Variants in NTRK3 observed in about 807,000 individuals in gnomAD.
The protein encoded by NTRK3 is neurotrophic receptor tyrosine kinase 3, also known as NT-3 growth factor receptor.
A neutral mutation model predicts 91.7 loss-of-function variants in NTRK3; 24 were observed. The observed-to-expected ratio is 0.26, with a 90% CI of 0.19 to 0.37. The LOEUF is 0.37. NTRK3 is among the 10% of genes least tolerant of loss of function. The pLI, the probability that NTRK3 is intolerant of heterozygous loss-of-function variation, is 1.00. For synonymous variants in NTRK3, 483 were observed against 404.0 expected, an observed-to-expected ratio of 1.20 and a Z score of -2.34; for missense variants, 880 against 1,068.9, an observed-to-expected ratio of 0.82 and a Z score of 2.46.
intron 5 of NTRK3, among the ~76,000 whole-genome samples, chr15:88,151,051 G>A (rs570818510): frequency 3.9e-5 from 6 of 152,188 alleles, no homozygotes; most frequent in African/African-American, 1.2e-4. Flanking sequence ...AGCCTTTTCT[G>A]TGGGCCTCCT....
chr15:87,984,401 T>C (rs1355972677), intron 14 of NTRK3, among the ~76,000 whole-genome samples: 1 of 152,190 alleles, frequency 6.6e-6, no homozygotes. Flanking sequence ...TGGGCTATGG[T>C]TATGATTGAT....
At chr15:88,012,663 T>C (rs931043941) in intron 14 of NTRK3, among the ~76,000 whole-genome samples, 2 of 152,224 alleles carry the variant, frequency 1.3e-5, no homozygotes, top group Non-Finnish European at 2.9e-5. Context: ...AATAAATGTT[T>C]ACTAAATAAA....
rs1265075771 is a variant in NTRK3, at chr15:87,886,699, T to TATATAC, written c.2134-6272_2134-6271insGTATAT. On this transcript the variant is annotated intron_variant, in intron 17 of 18. Transcript: ENST00000394480. ...TGCTATATATATATATATATATATA[T>TATATAC]ACATATATACACACACACACATACA... Among the ~76,000 whole-genome samples, 112 of 138,488 alleles carry TATATAC rather than the reference T, an allele frequency of 8.1e-4. 1 individual carries two copies. Among genetic ancestry groups the TATATAC allele is most frequent in the African/African-American group, 2.8e-3 (102 of 36,582 alleles). The allele number at this position is 138,488 out of a possible 152,430, so 90.9% of individuals were successfully genotyped here.
intron 14 of NTRK3, among the ~76,000 whole-genome samples, chr15:88,021,697 T>C (rs958992977): frequency 2.0e-5 from 3 of 152,216 alleles, no homozygotes; most frequent in Non-Finnish European, 4.4e-5. Flanking sequence ...TCTTGGCTTC[T>C]TGGCTAAGAT....
chr15:88,239,497 G>T (rs923938322), intron 3 of NTRK3, among the ~76,000 whole-genome samples: 3 of 152,170 alleles, frequency 2.0e-5, no homozygotes, highest in Non-Finnish European at 4.4e-5. Context: ...GTCTGGAATG[G>T]CATTCTGTAA....
intron 13 of NTRK3, among the ~76,000 whole-genome samples, chr15:88,121,646 A>T (rs528670813): frequency 1.3e-5 from 2 of 152,312 alleles, no homozygotes; most frequent in South Asian, 4.1e-4. Flanking sequence ...CCTGAACCCC[A>T]CAAGTACACA....
chr15:87,900,664 A>G (rs2066393796), intron 17 of NTRK3, among the ~76,000 whole-genome samples: 1 of 151,202 alleles, frequency 6.6e-6, no homozygotes, highest in South Asian at 2.1e-4. Flanking sequence ...TAACACCTGC[A>G]GCATCAGCAG....
At chr15:88,162,066 A>G (rs2044505662) in intron 5 of NTRK3, among the ~76,000 whole-genome samples, 1 of 152,210 alleles carries the variant, frequency 6.6e-6, no homozygotes, top group Non-Finnish European at 1.5e-5. Context: ...ATAAACCAGC[A>G]ATGCCTGGGA....
intron 3 of NTRK3, among the ~76,000 whole-genome samples, chr15:88,221,679 A>G (rs903851872): frequency 3.9e-5 from 6 of 152,176 alleles, no homozygotes; most frequent in African/African-American, 1.4e-4. Flanking sequence ...ATAAAATAAA[A>G]CAAAGAATTT....
At chr15:88,103,044 G>C (rs2050340671) in intron 13 of NTRK3, among the ~76,000 whole-genome samples, 1 of 152,210 alleles carries the variant, frequency 6.6e-6, no homozygotes, top group Non-Finnish European at 1.5e-5. Flanking sequence ...AATAACCTGT[G>C]TTACAGATAT....
chr15:88,097,533 T>G (rs899467096), intron 13 of NTRK3, among the ~76,000 whole-genome samples: 2 of 152,230 alleles, frequency 1.3e-5, no homozygotes, highest in Non-Finnish European at 2.9e-5. Flanking sequence ...ACGCTTAATA[T>G]AGTAATTCCA....
intron 3 of NTRK3, among the ~76,000 whole-genome samples, chr15:88,242,654 T>C (rs1017017601): frequency 6.6e-6 from 1 of 152,166 alleles, no homozygotes; most frequent in Non-Finnish European, 1.5e-5. Context: ...CCACAGCTGG[T>C]GCTAGGCGCT....
chr15:87,913,909 G>T (rs1175462213), intron 17 of NTRK3, among the ~76,000 whole-genome samples: 1 of 152,168 alleles, frequency 6.6e-6, no homozygotes, highest in Non-Finnish European at 1.5e-5. Flanking sequence ...CTCAGATGGG[G>T]CACTGGCTGA....
chr15:87,877,513 T>A (rs2065004809), intron 18 of NTRK3, among the ~76,000 whole-genome samples: 1 of 152,160 alleles, frequency 6.6e-6, no homozygotes, highest in Non-Finnish European at 1.5e-5. Context: ...CCCCCTTTCA[T>A]GAGCCTGCCT....
At chr15:88,177,239 T>C (rs926573363) in intron 5 of NTRK3, among the ~76,000 whole-genome samples, 1 of 152,094 alleles carries the variant, frequency 6.6e-6, no homozygotes, top group African/African-American at 2.4e-5. Flanking sequence ...CAAGAAGTAA[T>C]TGGAGGGCTT....
At chr15:88,098,259 C>T (rs141099937) in intron 13 of NTRK3, among the ~76,000 whole-genome samples, 34 of 152,214 alleles carry the variant, frequency 2.2e-4, no homozygotes, top group Admixed American at 9.2e-4. Flanking sequence ...CAAAAACGAG[C>T]GAGTGGCCAA....
At chr15:88,238,152 C>A (rs367748779) in intron 3 of NTRK3, among the ~76,000 whole-genome samples, 2 of 152,104 alleles carry the variant, frequency 1.3e-5, no homozygotes, top group East Asian at 3.9e-4. Flanking sequence ...AGAAACCAAC[C>A]CTGCCAACAC....
In NTRK3 at chr15:88,183,402, G is replaced by T. The variant is rs1271390909; in HGVS notation, c.395+16C>A. 6.2e-7 allele frequency: 1 copy of T among 1,613,482 alleles called. No individual in the cohort carries two copies. The highest frequency in any genetic ancestry group is 1.3e-5 in the African/African-American group (1 of 74,910). ...CTGCCATGTGCCCCCAATCCCTGCA[G>T]CCCAGCTCTACTCACATATAACGCA... On this transcript the variant is annotated intron_variant, in intron 5 of 18. Coordinates refer to ENST00000394480, the Ensembl canonical transcript of NTRK3.
rs58367924 is a variant in NTRK3 at position 87,912,931 on chromosome 15, AATATAT to A, written c.2133+16254_2133+16259del. ...TTCAACTTTTCAAAAAGTAAAAAAA[AATATAT>A]ATATATATATATATATATATATATA... On this transcript the variant is annotated intron_variant, in intron 17 of 18. Coordinates refer to ENST00000394480, the Ensembl canonical transcript of NTRK3. Among the ~76,000 whole-genome samples the A allele has an allele frequency of 4.1e-3, 151 of 36,486 alleles. 3 individuals are homozygous for A. The highest frequency in any genetic ancestry group is 6.4e-3 in the East Asian group (8 of 1,256). The allele number at this position is 36,486 out of a possible 152,430, so 23.9% of individuals were successfully genotyped here. A position where few individuals can be genotyped will look rare whatever the true frequency, so the allele number is the denominator to read the frequency against.
Sources: allele counts gnomAD v4.1 joint callset (sites outside exome capture counted in the v4.1 genomes callset), GRCh38; gene constraint gnomAD v4.1.1; transcripts MANE v1.5; gene names NCBI Gene and HGNC (gene_info 2026-07-23, HGNC 2026-07-21).